The following CLUH variants were observed in gnomAD, a reference collection of about 807,000 sequenced individuals.
The protein encoded by CLUH is clustered mitochondria protein homolog.
In CLUH, 77 loss-of-function variants were observed where a neutral mutation model predicts 139.3. That is an observed-to-expected ratio of 0.55 (90% CI 0.46 to 0.67). The LOEUF (loss-of-function observed/expected upper bound fraction) is 0.67. Ranked by LOEUF, CLUH falls within the 30% of genes least tolerant of loss-of-function variation. CLUH has a pLI of 0.00. For missense variants in CLUH, 1,876 were observed against 1,875.8 expected (o/e 1.00, Z 0.00); for synonymous variants, 999 against 801.6 (o/e 1.25, Z -4.16).
intron 13 of CLUH, 33 bp from the exon 14 acceptor site, chr17:2,695,559 G>A (rs747880508): frequency 9.7e-5 from 150 of 1,552,570 alleles, no homozygotes; most frequent in Middle Eastern, 1.8e-4. Context: ...CCCCCACCCA[G>A]CTCCTCTGCC....
intron 8 of CLUH, 35 bp downstream of exon 8, chr17:2,700,643 G>A (rs1597616906): frequency 1.3e-6 from 2 of 1,516,608 alleles, no homozygotes; most frequent in East Asian, 2.3e-5. Context: ...GGAGGGCAGG[G>A]GTGCCCAGCG....
At chr17:2,710,561 C>T (rs1251190380) in intron 1 of CLUH, among the ~76,000 whole-genome samples, 3 of 152,170 alleles carry the variant, frequency 2.0e-5, no homozygotes, top group Non-Finnish European at 4.4e-5. Flanking sequence ...TAGCTCTGCA[C>T]CTCCACTGCC....
Position 2,698,269 on chromosome 17 carries a change from G to A in CLUH, c.1588C>T (p.Leu530=), listed in dbSNP as rs562167683. Residue 530 remains leucine, a synonymous_variant, in exon 10 of 26, where the codon CTG becomes TTG. Transcript: ENST00000651024. ...ACGCTCTGCTCCTGGTCCCGCTCCAGGATGCCGGGGATGATGGACTGGGCC... is the reference window on the plus strand; with the variant it reads ...ACGCTCTGCTCCTGGTCCCGCTCCAAGATGCCGGGGATGATGGACTGGGCC... The part of the protein sequence containing the change: ...VTAQSIIPGI[L]ERDQEQSVIY... 1.9e-6 allele frequency: 3 copies of A among 1,610,218 alleles called. No homozygotes were observed. The highest frequency in any genetic ancestry group is 2.2e-5 in the South Asian group (2 of 90,310).
chr17:2,697,073 T>G (rs2069978707), intron 10 of CLUH, 131 bp from the exon 11 acceptor site: 8 of 693,146 alleles, frequency 1.2e-5, no homozygotes, highest in Non-Finnish European at 4.8e-6. Context: ...TGTGCATGAG[T>G]CAACGCAGAA....
chr17:2,692,139 G>T, intron 22 of CLUH, 42 bp from the exon 23 acceptor site: 1 of 1,550,260 alleles, frequency 6.5e-7, no homozygotes. Flanking sequence ...GGGCATAAGT[G>T]GGCTGGGTGT....
chr17:2,695,353 C>T (rs1449477657), intron 14 of CLUH, 21 bp downstream of exon 14: 1 of 1,613,016 alleles, frequency 6.2e-7, no homozygotes, highest in African/African-American at 1.3e-5. Context: ...CCCGTTCCGC[C>T]CCACCCCGGG....
Position 2,694,256 on chromosome 17 carries a change from G to A in CLUH, c.2958C>T (p.Ser986=). 1 of 1,601,658 alleles carries A rather than the reference G, an allele frequency of 6.2e-7. No homozygotes were observed. The highest frequency in any genetic ancestry group is 1.3e-5 in the African/African-American group (1 of 74,978). The part of the protein sequence containing the change: ...TGIQVLLKEY[S]FDSRHKPAFT... The stretch of plus-strand genomic sequence containing the variant: ...ACGCGGGCTTGTGGCGACTGTCGAA[G>A]CTGTACTCCTTCAGCAGGACCTGGG... The change falls in exon 18 of 26, where the codon AGC becomes AGT. Residue 986 remains serine, a synonymous_variant. Coordinates refer to ENST00000651024, the MANE Select transcript of CLUH (RefSeq NM_001366661.1).
intron 13 of CLUH, chr17:2,695,900 C>G (rs1407597894): frequency 1.7e-6 from 1 of 587,936 alleles, no homozygotes; most frequent in Non-Finnish European, 3.0e-6. Context: ...GAGCTCTGGC[C>G]CCGTCCCCCA....
chr17:2,702,671 G>A (rs562276103), intron 3 of CLUH, among the ~76,000 whole-genome samples: 97 of 152,246 alleles, frequency 6.4e-4, no homozygotes, highest in African/African-American at 2.1e-3. Context: ...CAGACCAACC[G>A]GATGGCACCT....
chr17:2,696,072 T>C lies in CLUH; in HGVS notation c.2391+87A>G, dbSNP rs1023518161. On this transcript the variant is annotated intron_variant, in intron 13 of 25. Transcript: ENST00000651024. ...GCTGAAAAAGTCACTCCTGCGAGCC[T>C]GTGTTCATGGGCCTCCAAGTCGGAG... 7.4e-5 allele frequency: 81 copies of C among 1,094,146 alleles called. No individual in the cohort carries two copies. In the Admixed American group the frequency reaches 1.2e-3, roughly 16 times the overall value. 67.8% of individuals were successfully genotyped at this position (1,094,146 alleles called of 1,614,324 possible).
chr17:2,701,945 G>A lies in CLUH; in HGVS notation c.588C>T (p.Phe196=). 1 of 1,613,974 alleles carries A rather than the reference G, an allele frequency of 6.2e-7. No individual in the cohort carries two copies. The highest frequency in any genetic ancestry group is 8.5e-7 in the Non-Finnish European group (1 of 1,179,910). Residue 196 remains phenylalanine (F), a synonymous_variant, in exon 4 of 26, where the codon TTC becomes TTT. Transcript: ENST00000651024. ...FNGVDCNSLS[F]LSVFTDGDLG... ...GGTCGCCGTCGGTGAAGACACTCAG[G>A]AAGGACAAGGAGTTGCAGTCAACCC...
chr17:2,696,658 T>C, intron 11 of CLUH, 61 bp downstream of exon 11: 1 of 1,582,876 alleles, frequency 6.3e-7, no homozygotes, highest in Non-Finnish European at 8.6e-7. Flanking sequence ...CAGGTGGGGG[T>C]CATAAGCCAC....
rs1346721724 is a variant in CLUH at position 2,696,552 on chromosome 17, G to A, written c.2186-14C>T. ...TCCGAGGGTCTGCTGTGGAGACATGGCTCCATGAGACACGGGTCCCCTCTG... is the reference window on the plus strand; with the variant it reads ...TCCGAGGGTCTGCTGTGGAGACATGACTCCATGAGACACGGGTCCCCTCTG... On this transcript the variant is annotated splice_polypyrimidine_tract_variant and intron_variant, in intron 11 of 25. Transcript: ENST00000651024. 1.3e-6 allele frequency: 2 copies of A among 1,555,458 alleles called. No individual in the cohort carries two copies. The highest frequency in any genetic ancestry group is 3.8e-5 in the Admixed American group (2 of 52,752).
In CLUH at chr17:2,698,501, G is replaced by A. The variant is rs372538640; in HGVS notation, c.1356C>T (p.Thr452=). ...NVMAINPSEE[T]KMQMFIWNNI... ...TGTTCCAGATGAACATCTGCATCTT[G>A]GTCTCCTCGCTGGGGTTGATGGCCA... Residue 452 remains threonine (T), a synonymous_variant, in exon 10 of 26, where the codon ACC becomes ACT. Transcript: ENST00000651024. 5 of 1,613,068 alleles carry A rather than the reference G, an allele frequency of 3.1e-6. No homozygotes were observed. The highest frequency in any genetic ancestry group is 4.2e-6 in the Non-Finnish European group (5 of 1,179,764).
rs1483504516 is a variant in CLUH, at chr17:2,704,646, T to C, written c.101-82A>G. 7.4e-7 allele frequency: 1 copy of C among 1,347,142 alleles called. No homozygotes were observed. The highest frequency in any genetic ancestry group is 1.0e-6 in the Non-Finnish European group (1 of 1,003,020). 83.4% of individuals were successfully genotyped at this position (1,347,142 alleles called of 1,614,324 possible). On this transcript the variant is annotated intron_variant, in intron 1 of 25. Coordinates refer to ENST00000651024, the MANE Select transcript of CLUH (RefSeq NM_001366661.1). This position sits in a 1 kb window ranked among gnomAD's most constrained non-coding sequence, Gnocchi z 5.7. Reference sequence around the variant, plus strand: ...CCGCCTGACCCCACACGGGGACACGTGCCTTCTGGAAAGGCATCTGCATGC... The same window carrying C: ...CCGCCTGACCCCACACGGGGACACGCGCCTTCTGGAAAGGCATCTGCATGC...
intron 19 of CLUH, 43 bp from the exon 20 acceptor site, chr17:2,692,903 A>G (rs1194539341): frequency 6.5e-7 from 1 of 1,528,616 alleles, no homozygotes; most frequent in Non-Finnish European, 8.8e-7. Context: ...GGGAACCCCC[A>G]CTGCACCCAG....
chr17:2,690,457 G>C lies in CLUH; in HGVS notation c.*137C>G, dbSNP rs1455070510. The C allele has an allele frequency of 4.1e-6, 3 of 730,260 alleles. No homozygotes were observed. Among genetic ancestry groups the C allele is most frequent in the East Asian group, 6.8e-5 (2 of 29,452 alleles). 45.2% of individuals were successfully genotyped at this position (730,260 alleles called of 1,614,324 possible). A position where few individuals can be genotyped will look rare whatever the true frequency, so the allele number is the denominator to read the frequency against. On this transcript the variant is annotated 3_prime_UTR_variant, in exon 26 of 26. Coordinates refer to ENST00000651024, the MANE Select transcript of CLUH (RefSeq NM_001366661.1). ...GGCAGGCAGGCCAGGCTCCCAGGAGGACACGGGGGTGGGGTGGGGTGAGAC... is the reference window on the plus strand; with the variant it reads ...GGCAGGCAGGCCAGGCTCCCAGGAGCACACGGGGGTGGGGTGGGGTGAGAC...
In CLUH at chr17:2,696,270, G is replaced by C. The variant is rs747656197; in HGVS notation, c.2291-11C>G. On this transcript the variant is annotated splice_polypyrimidine_tract_variant and intron_variant, in intron 12 of 25. Coordinates refer to ENST00000651024, the MANE Select transcript of CLUH (RefSeq NM_001366661.1). ...CAGGGAAACGAACCCCTGGAGGAGGGAGAGCAGAGAGGCTGAGCCAGGCAG... is the reference window on the plus strand; with the variant it reads ...CAGGGAAACGAACCCCTGGAGGAGGCAGAGCAGAGAGGCTGAGCCAGGCAG... 7.0e-6 allele frequency: 11 copies of C among 1,563,180 alleles called. No homozygotes were observed. Among genetic ancestry groups the C allele is most frequent in the Non-Finnish European group, 9.5e-6 (11 of 1,153,574 alleles).
chr17:2,693,803 G>T (rs1048035966), intron 19 of CLUH, 97 bp downstream of exon 19: 1 of 1,440,384 alleles, frequency 6.9e-7, no homozygotes, highest in Non-Finnish European at 9.3e-7. Context: ...ACTTCCTGGG[G>T]TCTCCCTGGA....
Sources: allele counts gnomAD v4.1 joint callset (sites outside exome capture counted in the v4.1 genomes callset), GRCh38; gene constraint gnomAD v4.1.1; non-coding constraint Gnocchi (gnomAD v3.1); transcripts MANE v1.5; gene names NCBI Gene and HGNC (gene_info 2026-07-23, HGNC 2026-07-21).